The following ZNF772 variants were observed in gnomAD, a reference collection of about 807,000 sequenced individuals.
ZNF772 encodes zinc finger protein 772.
Under a neutral mutation model 11.0 loss-of-function variants are expected in ZNF772, and 8 were observed. The observed-to-expected ratio is 0.73, with a 90% CI of 0.43 to 1.31. The LOEUF is 1.31. Ranked by LOEUF, ZNF772 falls within the 50% of genes most tolerant of loss-of-function variation. The pLI, the probability that ZNF772 is intolerant of heterozygous loss-of-function variation, is 0.01. For missense variants in ZNF772, 496 were observed against 552.3 expected (o/e 0.90, Z 1.02); for synonymous variants, 155 against 180.4 (o/e 0.86, Z 1.13).
At chr19:57,476,509 T>C (rs970892552) in intron 2 of ZNF772, 125 bp downstream of exon 2, 5 of 1,219,706 alleles carry the variant, frequency 4.1e-6, no homozygotes, top group Non-Finnish European at 6.0e-6. Context: ...GCTTGGGGCT[T>C]CTCCAGAGTC....
In ZNF772 at chr19:57,473,351, T is replaced by G; in HGVS notation, c.1270A>C (p.Ser424Arg). The change falls in exon 4 of 4, where the codon AGT becomes CGT. Residue 424 changes from serine to arginine, a missense_variant. Ser to Arg is a moderately radical substitution (Grantham distance 110, BLOSUM62 -1). Transcript: ENST00000356584. ...IHTGERPYKCSECGKAFRQRA... is the reference protein window; with the variant it reads ...IHTGERPYKCRECGKAFRQRA... ...TGCCTGAAGGCCTTCCCACATTCAC[T>G]GCACTTATATGGCCTTTCTCCAGTG... The G allele has an allele frequency of 1.2e-6, 2 of 1,614,212 alleles. No homozygotes were observed. Among genetic ancestry groups the G allele is most frequent in the Non-Finnish European group, 1.7e-6 (2 of 1,180,016 alleles).
rs1172472095 is a variant in ZNF772 at position 57,474,358 on chromosome 19, G to A, written c.263C>T (p.Ser88Leu). 6.2e-7 allele frequency: 1 copy of A among 1,613,098 alleles called. No individual in the cohort carries two copies. Residue 88 changes from serine (S) to leucine (L), a missense_variant, in exon 4 of 4, where the codon TCA becomes TTA. By Grantham distance (145) the Ser-to-Leu change is moderately radical (BLOSUM62 -2). Transcript: ENST00000356584. The part of the protein sequence containing the change: ...PFEQSFSIGM[S>L]QIRIPKGGPS... ...ACCTCCCTTGGGAATCCTGATCTGT[G>A]ACATTCCTATAGAAAAGCTCTGCTC...
Position 57,473,449 on chromosome 19 carries a change from T to G in ZNF772, c.1172A>C (p.Lys391Thr). 1 of 1,613,854 alleles carries G rather than the reference T, an allele frequency of 6.2e-7. No homozygotes were observed. The highest frequency in any genetic ancestry group is 1.6e-4 in the Middle Eastern group (1 of 6,062). The change falls in exon 4 of 4, where the codon AAG becomes ACG. Residue 391 changes from lysine to threonine, a missense_variant. Physicochemically the swap from Lys to Thr is moderately conservative, Grantham distance 78. Transcript: ENST00000356584. ...TCCACATTCACTGCACACATAAGGC[T>G]TTTCACCATTATGAACTCTTTGATG... ...IAHQRVHNGE[K>T]PYVCSECGKA...
At chr19:57,474,545 C>A in intron 3 of ZNF772, 124 bp from the exon 4 acceptor site, 2 of 1,007,104 alleles carry the variant, frequency 2.0e-6, no homozygotes, top group East Asian at 2.5e-5. Flanking sequence ...GGACAAGGGT[C>A]CAAACTCAAG....
At chr19:57,476,015 G>A (rs955190770) in intron 2 of ZNF772, among the ~76,000 whole-genome samples, 1 of 152,158 alleles carries the variant, frequency 6.6e-6, no homozygotes, top group East Asian at 1.9e-4. Flanking sequence ...TCTAAGCTCT[G>A]TGCTTAGCAT....
Position 57,477,454 on chromosome 19 carries a change from C to A in ZNF772, c.-145G>T. On this transcript the variant is annotated 5_prime_UTR_variant, in exon 1 of 4. Coordinates refer to ENST00000356584, the MANE Select transcript of ZNF772 (RefSeq NM_001144068.2). ...CTCTTCAGGGAAGAAGACACTCTCTCACGTTTTCCCTTTTCTGTCACCTCA... is the reference window on the plus strand; with the variant it reads ...CTCTTCAGGGAAGAAGACACTCTCTAACGTTTTCCCTTTTCTGTCACCTCA... 2 of 772,770 alleles carry A rather than the reference C, an allele frequency of 2.6e-6. No homozygotes were observed. Among genetic ancestry groups the A allele is most frequent in the Non-Finnish European group, 4.1e-6 (2 of 482,380 alleles). The allele number at this position is 772,770 out of a possible 1,614,324, so 47.9% of individuals were successfully genotyped here. A position where few individuals can be genotyped will look rare whatever the true frequency, so the allele number is the denominator to read the frequency against.
chr19:57,472,822 C>A lies in ZNF772; in HGVS notation c.*452G>T, dbSNP rs12977381. 0.28 allele frequency: 44,864 copies of A among 163,000 alleles called. 6,790 individuals carry two copies. The highest frequency in any genetic ancestry group is 0.37 in the Middle Eastern group (114 of 308). 10.1% of individuals were successfully genotyped at this position (163,000 alleles called of 1,614,324 possible). A position where few individuals can be genotyped will look rare whatever the true frequency, so the allele number is the denominator to read the frequency against. On this transcript the variant is annotated 3_prime_UTR_variant, in exon 4 of 4. Coordinates refer to ENST00000356584, the MANE Select transcript of ZNF772 (RefSeq NM_001144068.2). ...GATCAACTATATCCATGAAGGGAAACCTCTGCCAGTGGTCAGCAGAACAAA... is the reference window on the plus strand; with the variant it reads ...GATCAACTATATCCATGAAGGGAAAACTCTGCCAGTGGTCAGCAGAACAAA...
rs541098762 is a variant in ZNF772 at position 57,472,834 on chromosome 19, G to A, written c.*440C>T. 1.0e-4 allele frequency: 17 copies of A among 165,992 alleles called. No individual in the cohort carries two copies. In the East Asian group the frequency reaches 3.0e-3, roughly 29 times the overall value. 10.3% of individuals were successfully genotyped at this position (165,992 alleles called of 1,614,324 possible). A position where few individuals can be genotyped will look rare whatever the true frequency, so the allele number is the denominator to read the frequency against. On this transcript the variant is annotated 3_prime_UTR_variant, in exon 4 of 4. Coordinates refer to ENST00000356584, the MANE Select transcript of ZNF772 (RefSeq NM_001144068.2). The stretch of plus-strand genomic sequence containing the variant: ...CCATGAAGGGAAACCTCTGCCAGTG[G>A]TCAGCAGAACAAAGCTCCCATTTTT...
At position 57,476,675 on chromosome 19, in the gene ZNF772, G is replaced by A; in HGVS notation, c.34-3C>T. 1 of 1,594,588 alleles carries A rather than the reference G, an allele frequency of 6.3e-7. No homozygotes were observed. Among genetic ancestry groups the A allele is most frequent in the South Asian group, 1.1e-5 (1 of 88,424 alleles). On this transcript the variant is annotated splice_polypyrimidine_tract_variant and splice_region_variant and intron_variant, in intron 1 of 3. Transcript: ENST00000356584. Reference sequence around the variant, plus strand: ...ATTACTTCTGAGTTCATGGGAACCTGTGGGGAAGAGGGAGACTATGCGAGT... The same window carrying A: ...ATTACTTCTGAGTTCATGGGAACCTATGGGGAAGAGGGAGACTATGCGAGT...
rs372756954 is a variant in ZNF772 at position 57,472,121 on chromosome 19, G to A, written c.*1153C>T. 4 of 456,270 alleles carry A rather than the reference G, an allele frequency of 8.8e-6. No homozygotes were observed. The highest frequency in any genetic ancestry group is 1.3e-5 in the Non-Finnish European group (3 of 226,956). The allele number at this position is 456,270 out of a possible 1,614,324, so 28.3% of individuals were successfully genotyped here. A position where few individuals can be genotyped will look rare whatever the true frequency, so the allele number is the denominator to read the frequency against. ...TCTGTAAACCCTCATAATGGAGCCA[G>A]AGTAATGGAAACACATGTGGATGTA... On this transcript the variant is annotated 3_prime_UTR_variant, in exon 4 of 4. Transcript: ENST00000356584.
chr19:57,476,343 A>T (rs779594719), intron 2 of ZNF772: 9 of 461,354 alleles, frequency 2.0e-5, no homozygotes, highest in Admixed American at 3.5e-5. Flanking sequence ...CATGACAGAG[A>T]CCTGCAATTT....
intron 2 of ZNF772, 97 bp downstream of exon 2, chr19:57,476,537 G>T: frequency 6.9e-7 from 1 of 1,451,848 alleles, no homozygotes; most frequent in Non-Finnish European, 9.7e-7. Context: ...CCAAGAGATC[G>T]GAGAGTAGCA....
intron 2 of ZNF772, chr19:57,476,405 TCCTGTGCCTGGAACAACCTTCCAA>T (rs2089283875): frequency 1.7e-6 from 1 of 574,454 alleles, no homozygotes. Flanking sequence ...ACAGGCTGGT[TCCTGTGCCTGGAACAACCTTCCAA>T]CCTTATTCCA....
chr19:57,476,609 G>A (rs746082338), intron 2 of ZNF772, 25 bp downstream of exon 2: 1 of 1,613,264 alleles, frequency 6.2e-7, no homozygotes, highest in Non-Finnish European at 8.5e-7. Context: ...TGGGATCGGT[G>A]AGAGCATGGA....
chr19:57,471,346 A>T lies in ZNF772; in HGVS notation c.*1928T>A, dbSNP rs1264922190. ...GTTACAAAAAAACAAAACAAAACAA[A>T]ACAAAATAGCAAATCAAATTCAACA... On this transcript the variant is annotated 3_prime_UTR_variant, in exon 4 of 4. Transcript: ENST00000356584. 1 of 152,134 alleles carries T rather than the reference A, an allele frequency of 6.6e-6. No homozygotes were observed. Among genetic ancestry groups the T allele is most frequent in the South Asian group, 2.1e-4 (1 of 4,820 alleles). 9.4% of individuals were successfully genotyped at this position (152,134 alleles called of 1,614,324 possible).
chr19:57,473,408 T>A lies in ZNF772; in HGVS notation c.1213A>T (p.Lys405Ter). ...CTATGATGCTGAACAAGTACATGTT[T>A]GTGGCTAAAGGCTTTTCCACATTCA... ...CSECGKAFSH[K>*]HVLVQHHRIH... is the part of the protein sequence containing the mutation. The change falls in exon 4 of 4, where the codon AAA becomes TAA. Residue 405 changes from lysine to a stop codon, truncating the protein, a stop_gained. Coordinates refer to ENST00000356584, the MANE Select transcript of ZNF772 (RefSeq NM_001144068.2). LOFTEE classifies it low-confidence loss of function (END_TRUNC). 6.2e-7 allele frequency: 1 copy of A among 1,614,206 alleles called. No individual in the cohort carries two copies. The highest frequency in any genetic ancestry group is 1.1e-5 in the South Asian group (1 of 91,088).
chr19:57,469,822 G>A lies in ZNF772; in HGVS notation c.*3452C>T, dbSNP rs774083732. The A allele has an allele frequency of 6.6e-6, 1 of 152,164 alleles. No individual in the cohort carries two copies. Among genetic ancestry groups the A allele is most frequent in the South Asian group, 2.1e-4 (1 of 4,814 alleles). The allele number at this position is 152,164 out of a possible 1,614,324, so 9.4% of individuals were successfully genotyped here. ...CACTTGTAGAACCCCTTCATCAAAC[G>A]AGAGTACAGTATACATTTCAAGTGA... On this transcript the variant is annotated 3_prime_UTR_variant, in exon 4 of 4. Coordinates refer to ENST00000356584, the MANE Select transcript of ZNF772 (RefSeq NM_001144068.2).
Position 57,475,813 on chromosome 19 carries a change from A to G in ZNF772, c.73-27T>C. The G allele has an allele frequency of 6.3e-7, 1 of 1,575,510 alleles. No individual in the cohort carries two copies. Among genetic ancestry groups the G allele is most frequent in the Non-Finnish European group, 8.6e-7 (1 of 1,160,842 alleles). On this transcript the variant is annotated intron_variant, in intron 2 of 3. Coordinates refer to ENST00000356584, the MANE Select transcript of ZNF772 (RefSeq NM_001144068.2). This position sits in a 1 kb window ranked among gnomAD's most constrained non-coding sequence, Gnocchi z 4.2. Reference sequence around the variant, plus strand: ...TGCCACAATCAGGAGAGCCAAGTCCATGAGCAGCATCTCTCCCAAGAACCC... The same window carrying G: ...TGCCACAATCAGGAGAGCCAAGTCCGTGAGCAGCATCTCTCCCAAGAACCC...
In ZNF772 at chr19:57,472,004, A is replaced by G. The variant is rs1310770330; in HGVS notation, c.*1270T>C. 1.7e-5 allele frequency: 6 copies of G among 352,660 alleles called. No homozygotes were observed. The highest frequency in any genetic ancestry group is 3.8e-5 in the Admixed American group (1 of 26,460). The allele number at this position is 352,660 out of a possible 1,614,324, so 21.8% of individuals were successfully genotyped here. A position where few individuals can be genotyped will look rare whatever the true frequency, so the allele number is the denominator to read the frequency against. ...CATGTATCAAAACTTATCAAATGGT[A>G]CACTATAAATATGTGCAGTTTATTG... On this transcript the variant is annotated 3_prime_UTR_variant, in exon 4 of 4. Transcript: ENST00000356584.
Sources: gnomAD v4.1 joint callset for allele counts (sites outside exome capture counted in the v4.1 genomes callset) on GRCh38, gnomAD v4.1.1 for gene constraint, Gnocchi (gnomAD v3.1) non-coding constraint, MANE v1.5 for transcripts, NCBI Gene and HGNC (gene_info 2026-07-23, HGNC 2026-07-21) for gene names.